The following LSM12 variants were observed in gnomAD, a reference collection of about 807,000 sequenced individuals.
LSM12 encodes protein LSM12.
For synonymous variants in LSM12, 74 were observed against 87.3 expected (o/e 0.85, Z 0.85); for missense variants, 108 against 238.9 (o/e 0.45, Z 3.61).
chr17:44,057,522 G>A (rs2049733258), intron 2 of LSM12, among the ~76,000 whole-genome samples: 1 of 151,434 alleles, frequency 6.6e-6, no homozygotes, highest in Admixed American at 6.6e-5. Flanking sequence ...AGCACTTTGG[G>A]AGGCGGAGGT....
Position 44,066,577 on chromosome 17 carries a change from G to A in LSM12, c.11C>T (p.Pro4Leu). 2 of 1,462,156 alleles carry A rather than the reference G, an allele frequency of 1.4e-6. No homozygotes were observed. Among genetic ancestry groups the A allele is most frequent in the Non-Finnish European group, 1.8e-6 (2 of 1,102,262 alleles). 90.6% of individuals were successfully genotyped at this position (1,462,156 alleles called of 1,614,324 possible). MAAPPGEYFSVGSQ... is the reference protein window; with the variant it reads MAALPGEYFSVGSQ... ...CCCAACGCTGAAGTACTCGCCCGGA[G>A]GAGCCGCCATCTTGGGAGTGCAGCC... Residue 4 changes from proline (P) to leucine (L), a missense_variant, in exon 1 of 5, where the codon CCT becomes CTT. Pro to Leu is a moderately conservative substitution (Grantham distance 98). Coordinates refer to ENST00000293406, the MANE Select transcript of LSM12 (RefSeq NM_001371445.1).
chr17:44,049,283 G>A (rs898504126), intron 2 of LSM12, among the ~76,000 whole-genome samples: 1 of 151,970 alleles, frequency 6.6e-6, no homozygotes, highest in Non-Finnish European at 1.5e-5. Flanking sequence ...TTGTTTGTTT[G>A]TTTTTGTTTT....
chr17:44,049,917 G>A (rs2049620311), intron 2 of LSM12, among the ~76,000 whole-genome samples: 1 of 152,160 alleles, frequency 6.6e-6, no homozygotes, highest in Non-Finnish European at 1.5e-5. Context: ...CTTCCAACCA[G>A]CTGCCCTCAC....
chr17:44,065,298 G>A (rs763471716), intron 1 of LSM12, among the ~76,000 whole-genome samples: 2 of 151,988 alleles, frequency 1.3e-5, no homozygotes, highest in Admixed American at 1.3e-4. Flanking sequence ...AAAATTAGCT[G>A]GGCGTGGTGG....
intron 1 of LSM12, among the ~76,000 whole-genome samples, chr17:44,064,193 G>A (rs1313658953): frequency 6.6e-6 from 1 of 152,076 alleles, no homozygotes; most frequent in Non-Finnish European, 1.5e-5. Context: ...CAGATTTAAT[G>A]CGTTTGTCTT....
intron 2 of LSM12, among the ~76,000 whole-genome samples, chr17:44,060,772 A>T (rs1254386736): frequency 6.6e-6 from 1 of 152,120 alleles, no homozygotes; most frequent in Non-Finnish European, 1.5e-5. Flanking sequence ...CCACAAACTA[A>T]CCAAGAGCTA....
chr17:44,056,199 GT>G (rs1293169521), intron 2 of LSM12, among the ~76,000 whole-genome samples: 1 of 151,822 alleles, frequency 6.6e-6, no homozygotes, highest in Non-Finnish European at 1.5e-5. Flanking sequence ...GGAGGCTGAG[GT>G]AGGAGAATTG....
At chr17:44,047,743 T>TC (rs1381529946) in intron 2 of LSM12, among the ~76,000 whole-genome samples, 7 of 101,010 alleles carry the variant, frequency 6.9e-5, no homozygotes, top group Non-Finnish European at 1.5e-4. Flanking sequence ...GTTTGTTCTG[T>TC]TTTTTTTTTT....
intron 3 of LSM12, among the ~76,000 whole-genome samples, chr17:44,038,985 G>A (rs911969334): frequency 1.3e-5 from 2 of 152,178 alleles, no homozygotes; most frequent in African/African-American, 4.8e-5. Context: ...GCGGGGTGGA[G>A]AGGGGTGTCA....
chr17:44,062,785 G>A (rs2049815582), intron 2 of LSM12, among the ~76,000 whole-genome samples: 3 of 151,960 alleles, frequency 2.0e-5, no homozygotes, highest in Admixed American at 2.0e-4. Flanking sequence ...CACTTTGGGA[G>A]GCCGAGGCAA....
chr17:44,040,328 C>A, intron 2 of LSM12, 72 bp from the exon 3 acceptor site: 1 of 1,155,616 alleles, frequency 8.7e-7, no homozygotes. Context: ...AGGACCTAAG[C>A]TGAAGAAAGG....
At chr17:44,064,560 C>G (rs2144118132) in intron 1 of LSM12, among the ~76,000 whole-genome samples, 1 of 151,712 alleles carries the variant, frequency 6.6e-6, no homozygotes, top group African/African-American at 2.4e-5. Flanking sequence ...TGGCAAAACC[C>G]CGTCACTACC....
chr17:44,052,859 C>T (rs944345801), intron 2 of LSM12, among the ~76,000 whole-genome samples: 2 of 150,576 alleles, frequency 1.3e-5, no homozygotes, highest in African/African-American at 4.9e-5. Context: ...AATAAATCAC[C>T]ACTCTGGCCT....
chr17:44,059,101 C>T (rs771757851), intron 2 of LSM12, among the ~76,000 whole-genome samples: 2 of 151,930 alleles, frequency 1.3e-5, no homozygotes, highest in African/African-American at 2.4e-5. Context: ...GCCAGGAGTT[C>T]GAAGCTGCAG....
chr17:44,062,905 C>CA (rs764166826), intron 2 of LSM12, among the ~76,000 whole-genome samples: 126 of 138,662 alleles, frequency 9.1e-4, no homozygotes, highest in South Asian at 1.9e-3. Flanking sequence ...TGCCTGTCTC[C>CA]AAAAAAAAAA....
At chr17:44,061,329 A>C (rs1436077578) in intron 2 of LSM12, among the ~76,000 whole-genome samples, 1 of 152,094 alleles carries the variant, frequency 6.6e-6, no homozygotes, top group Non-Finnish European at 1.5e-5. Flanking sequence ...AAAAAAAAAA[A>C]AAAAAACACC....
chr17:44,036,771 A>G (rs2049420297), intron 4 of LSM12: 1 of 166,200 alleles, frequency 6.0e-6, no homozygotes, highest in Admixed American at 5.7e-5. Flanking sequence ...AGAGACACCG[A>G]CGGCAACTGA....
chr17:44,037,589 A>G (rs1472314001), intron 3 of LSM12, 51 bp from the exon 4 acceptor site: 1 of 1,530,930 alleles, frequency 6.5e-7, no homozygotes, highest in African/African-American at 1.4e-5. Context: ...GGCATCCCAC[A>G]TCTCCTGTCT....
chr17:44,060,143 C>T (rs543384656), intron 2 of LSM12, among the ~76,000 whole-genome samples: 14 of 152,112 alleles, frequency 9.2e-5, no homozygotes, highest in South Asian at 8.3e-4. Context: ...CCAGCCTGGG[C>T]GACAGAGCAA....
Sources: allele counts gnomAD v4.1 joint callset (sites outside exome capture counted in the v4.1 genomes callset), GRCh38; gene constraint gnomAD v4.1.1; transcripts MANE v1.5; gene names NCBI Gene and HGNC (gene_info 2026-07-23, HGNC 2026-07-21).